Variants in CLIP2 observed in about 807,000 individuals in gnomAD.
CLIP2 encodes CAP-Gly domain containing linker protein 2, also known as CAP-Gly domain-containing linker protein 2.
CLIP2 carries 41 observed loss-of-function variants against 111.7 expected under a neutral mutation model. The observed-to-expected ratio is 0.37, with a 90% CI of 0.29 to 0.48. The LOEUF is 0.48. Ranked by LOEUF, CLIP2 falls within the 20% of genes least tolerant of loss-of-function variation. The pLI is 0.99. For synonymous variants in CLIP2, 660 were observed against 644.2 expected (o/e 1.02, Z -0.37); for missense variants, 1,160 against 1,422.1 (o/e 0.82, Z 2.96).
At chr7:74,292,973 C>T (rs781790167) in intron 1 of CLIP2, among the ~76,000 whole-genome samples, 9 of 152,194 alleles carry the variant, frequency 5.9e-5, no homozygotes, top group Non-Finnish European at 8.8e-5. Flanking sequence ...TTTTAGGGTC[C>T]GCCCCCAGTT....
At chr7:74,314,734 G>T (rs1474529133) in intron 1 of CLIP2, among the ~76,000 whole-genome samples, 1 of 152,228 alleles carries the variant, frequency 6.6e-6, no homozygotes, top group Non-Finnish European at 1.5e-5. Context: ...CTGGGGCAGA[G>T]ATGGGGCCTG....
chr7:74,315,368 GATTA>G (rs1788744286), intron 1 of CLIP2, among the ~76,000 whole-genome samples: 1 of 150,340 alleles, frequency 6.7e-6, no homozygotes. Flanking sequence ...TTTTTGCCAT[GATTA>G]ATATGTAATC....
At chr7:74,341,620 G>T (rs1452858338) in intron 3 of CLIP2, among the ~76,000 whole-genome samples, 4 of 150,068 alleles carry the variant, frequency 2.7e-5, no homozygotes, top group African/African-American at 9.8e-5. Context: ...TTGAAACAGG[G>T]TCTTGTTCTG....
chr7:74,386,562 G>A lies in CLIP2; in HGVS notation c.2521G>A (p.Ala841Thr), dbSNP rs1554314828. ...KLNKRDKEVT[A>T]LTSQTEMLRA... is the part of the protein sequence containing the mutation. Reference sequence around the variant, plus strand: ...GAACAAGAGGGACAAAGAGGTGACAGCCTTGACCTCCCAGACCGAGATGCT... The same window carrying A: ...GAACAAGAGGGACAAAGAGGTGACAACCTTGACCTCCCAGACCGAGATGCT... The change falls in exon 12 of 17, where the codon GCC becomes ACC. Residue 841 changes from alanine to threonine, a missense_variant. Coordinates refer to ENST00000223398, the MANE Select transcript of CLIP2 (RefSeq NM_003388.5). 1.2e-6 allele frequency: 2 copies of A among 1,611,238 alleles called. No individual in the cohort carries two copies. Among genetic ancestry groups the A allele is most frequent in the Admixed American group, 1.7e-5 (1 of 59,468 alleles).
chr7:74,390,037 T>C (rs1302892224), intron 13 of CLIP2, among the ~76,000 whole-genome samples: 1 of 143,428 alleles, frequency 7.0e-6, no homozygotes, highest in Non-Finnish European at 1.5e-5. Flanking sequence ...TGCAGTCAGC[T>C]ATGGCATACC....
rs552148874 is a variant in CLIP2 at position 74,333,270 on chromosome 7, G to A, written c.122-5178G>A. Among the ~76,000 whole-genome samples, 262 of 148,794 alleles carry A rather than the reference G, an allele frequency of 1.8e-3. 1 individual carries two copies. Among genetic ancestry groups the A allele is most frequent in the Non-Finnish European group, 2.6e-3 (172 of 67,166 alleles). On this transcript the variant is annotated intron_variant, in intron 2 of 16. Coordinates refer to ENST00000223398, the MANE Select transcript of CLIP2 (RefSeq NM_003388.5). ...GCGATTTCAGCTCACTGAAACCTCCGTCTCCTGGGCTTAAGCGATTCTCCT... is the reference window on the plus strand; with the variant it reads ...GCGATTTCAGCTCACTGAAACCTCCATCTCCTGGGCTTAAGCGATTCTCCT...
chr7:74,305,375 G>A (rs73131340), intron 1 of CLIP2, among the ~76,000 whole-genome samples: 10,895 of 152,212 alleles, frequency 0.072, 622 homozygotes, highest in African/African-American at 0.16. Flanking sequence ...CCCACCTGTC[G>A]TTGGGTTGCC....
chr7:74,393,778 T>C (rs1408035298), intron 13 of CLIP2, among the ~76,000 whole-genome samples: 1 of 152,220 alleles, frequency 6.6e-6, no homozygotes, highest in Non-Finnish European at 1.5e-5. Context: ...AACACCTTTC[T>C]AGAAACTGTA....
intron 16 of CLIP2, among the ~76,000 whole-genome samples, chr7:74,403,013 C>A (rs1380747338): frequency 6.6e-6 from 1 of 151,654 alleles, no homozygotes; most frequent in African/African-American, 2.4e-5. Flanking sequence ...GAGTTTGAGA[C>A]CAGCCTGGCC....
intron 1 of CLIP2, among the ~76,000 whole-genome samples, chr7:74,302,301 C>T (rs1231034353): frequency 5.3e-5 from 8 of 151,846 alleles, no homozygotes; most frequent in Admixed American, 4.6e-4. Context: ...CTGCAACCTC[C>T]GCCTCCCTGG....
At chr7:74,349,470 G>A (rs10240087) in intron 3 of CLIP2, among the ~76,000 whole-genome samples, 9,087 of 32,850 alleles carry the variant, frequency 0.28, 1,673 homozygotes, top group Middle Eastern at 0.39. Context: ...GTGTGTGTGT[G>A]TATATATATA....
chr7:74,365,821 C>A (rs558839936), intron 8 of CLIP2, among the ~76,000 whole-genome samples: 2 of 152,262 alleles, frequency 1.3e-5, no homozygotes, highest in South Asian at 4.1e-4. Flanking sequence ...GTGGCACCAT[C>A]TGGGCTCACT....
chr7:74,337,951 G>C (rs1190630731), intron 2 of CLIP2, among the ~76,000 whole-genome samples: 1 of 152,154 alleles, frequency 6.6e-6, no homozygotes, highest in Non-Finnish European at 1.5e-5. Context: ...AGGGCTGGAA[G>C]AGTAGGGGGA....
chr7:74,375,277 G>A (rs1458485433), intron 9 of CLIP2, among the ~76,000 whole-genome samples: 2 of 151,716 alleles, frequency 1.3e-5, no homozygotes, highest in South Asian at 2.1e-4. Context: ...AATGCTGGGC[G>A]GTGGCTCATG....
chr7:74,353,459 C>T (rs1464672256), intron 3 of CLIP2, among the ~76,000 whole-genome samples: 2 of 152,146 alleles, frequency 1.3e-5, no homozygotes, highest in African/African-American at 4.8e-5. Flanking sequence ...CCATGTTGGG[C>T]AGGCTGGTCT....
rs371497910 is a variant in CLIP2 at position 74,397,158 on chromosome 7, C to T, written c.2805C>T (p.His935=). 1.2e-6 allele frequency: 2 copies of T among 1,613,756 alleles called. No homozygotes were observed. The highest frequency in any genetic ancestry group is 1.7e-6 in the Non-Finnish European group (2 of 1,179,994). The change falls in exon 14 of 17, where the codon CAC becomes CAT. Residue 935 remains histidine (H), a synonymous_variant. Coordinates refer to ENST00000223398, the MANE Select transcript of CLIP2 (RefSeq NM_003388.5). The part of the protein sequence containing the change: ...GPERDLSREV[H]KAEWRIKEQK... ...AGAGGGACCTGAGCCGTGAGGTACA[C>T]AAGGCTGAGTGGCGGATCAAGGAGC...
intron 16 of CLIP2, among the ~76,000 whole-genome samples, chr7:74,402,088 C>T (rs1791638203): frequency 6.6e-6 from 1 of 152,026 alleles, no homozygotes; most frequent in Non-Finnish European, 1.5e-5. Context: ...TATGGTGAAA[C>T]TCCATCTGGC....
Position 74,400,409 on chromosome 7 carries a change from C to T in CLIP2, c.2920C>T (p.Leu974Phe). ...CCTGTCGGATCAGAGGCGCTACTCC[C>T]TCATCGACCGGTCCTCGGCGCCCGA... ...KSLSDQRRYS[L>F]IDRSSAPELL... The change falls in exon 15 of 17, where the codon CTC (leucine) becomes TTC (phenylalanine). Residue 974 changes from leucine (L) to phenylalanine (F), a missense_variant. Physicochemically the swap from Leu to Phe is conservative, Grantham distance 22 (BLOSUM62 0). Transcript: ENST00000223398. 6.2e-7 allele frequency: 1 copy of T among 1,613,624 alleles called. No individual in the cohort carries two copies. The highest frequency in any genetic ancestry group is 8.5e-7 in the Non-Finnish European group (1 of 1,179,704).
rs1027296313 is a variant in CLIP2 at position 74,380,788 on chromosome 7, C to A, written c.2422-18C>A. On this transcript the variant is annotated intron_variant, in intron 10 of 16. Transcript: ENST00000223398. ...GGGGCAGAGGTGAGCATCCCCCTTA[C>A]AGGGGCTCTTTTTGCAGATGATTGA... 1 of 1,599,250 alleles carries A rather than the reference C, an allele frequency of 6.3e-7. No homozygotes were observed. The highest frequency in any genetic ancestry group is 8.5e-7 in the Non-Finnish European group (1 of 1,169,960).
Sources: allele counts gnomAD v4.1 joint callset (sites outside exome capture counted in the v4.1 genomes callset), GRCh38; gene constraint gnomAD v4.1.1; transcripts MANE v1.5; gene names NCBI Gene and HGNC (gene_info 2026-07-23, HGNC 2026-07-21).